The following RAD18 variants were observed in gnomAD, a reference collection of about 807,000 sequenced individuals.
The protein encoded by RAD18 is RAD18 E3 ubiquitin protein ligase, also known as E3 ubiquitin-protein ligase RAD18.
A neutral mutation model predicts 60.4 loss-of-function variants in RAD18; 47 were observed. The observed-to-expected ratio is 0.78, with a 90% CI of 0.62 to 0.99. The LOEUF is 0.99. RAD18 is among the 50% of genes least tolerant of loss of function. The probability of loss-of-function intolerance (pLI) is 0.00; values close to 1 mark genes in which losing one functional copy is unlikely to be tolerated. For missense variants in RAD18, 640 were observed against 593.3 expected (o/e 1.08, Z -0.82); for synonymous variants, 225 against 195.5 (o/e 1.15, Z -1.26).
chr3:8,910,020 G>A (rs754575205), intron 9 of RAD18, among the ~76,000 whole-genome samples: 3 of 152,212 alleles, frequency 2.0e-5, no homozygotes, highest in Non-Finnish European at 2.9e-5. Context: ...CTTGGAAGAA[G>A]TGAACCAACA....
chr3:8,904,550 C>T (rs1460068866), intron 9 of RAD18, among the ~76,000 whole-genome samples: 1 of 152,072 alleles, frequency 6.6e-6, no homozygotes, highest in African/African-American at 2.4e-5. Context: ...ATATGCTGGC[C>T]GTAAAGATCA....
chr3:8,916,303 C>A (rs1940199186), intron 7 of RAD18, among the ~76,000 whole-genome samples: 1 of 152,150 alleles, frequency 6.6e-6, no homozygotes, highest in Non-Finnish European at 1.5e-5. Flanking sequence ...AAGACTGAAG[C>A]TAAATCAGAG....
At chr3:8,902,680 G>A (rs577110277) in intron 9 of RAD18, among the ~76,000 whole-genome samples, 160 bp from the exon 10 acceptor site, 15 of 152,306 alleles carry the variant, frequency 9.8e-5, no homozygotes, top group Non-Finnish European at 1.9e-4. Flanking sequence ...TCACTTGTCA[G>A]GAGTTCGAAA....
intron 8 of RAD18, 155 bp from the exon 9 acceptor site, chr3:8,912,527 T>A: frequency 2.2e-6 from 1 of 457,384 alleles, no homozygotes. Flanking sequence ...CATTCCTATG[T>A]ACTTCCCTTA....
At chr3:8,937,815 G>A (rs73023855) in intron 6 of RAD18, among the ~76,000 whole-genome samples, 2,312 of 152,302 alleles carry the variant, frequency 0.015, 30 homozygotes, top group Non-Finnish European at 0.024. Context: ...GGATCCAGGA[G>A]GTAGTGCTTA....
chr3:8,938,721 A>C (rs546333179), intron 6 of RAD18, among the ~76,000 whole-genome samples: 1 of 151,974 alleles, frequency 6.6e-6, no homozygotes, highest in Admixed American at 6.6e-5. Context: ...GAAGGCTTAA[A>C]CTCCTATTTT....
chr3:8,900,691 C>T (rs1324772628), intron 10 of RAD18, among the ~76,000 whole-genome samples: 1 of 152,186 alleles, frequency 6.6e-6, no homozygotes, highest in African/African-American at 2.4e-5. Context: ...TGTTCACTTA[C>T]ATGAGCACTT....
intron 7 of RAD18, among the ~76,000 whole-genome samples, chr3:8,920,579 C>A (rs35206009): frequency 0.023 from 3,430 of 152,224 alleles, 58 homozygotes; most frequent in Non-Finnish European, 0.032. Flanking sequence ...AGAAACTGGC[C>A]AGGTGATCAG....
At chr3:8,953,525 CA>C (rs544113575) in intron 2 of RAD18, among the ~76,000 whole-genome samples, 131 of 152,286 alleles carry the variant, frequency 8.6e-4, no homozygotes, top group African/African-American at 3.1e-3. Context: ...GCAACTATGA[CA>C]ACCCTTCCAT....
At chr3:8,921,661 G>C (rs1193968111) in intron 7 of RAD18, among the ~76,000 whole-genome samples, 3 of 151,500 alleles carry the variant, frequency 2.0e-5, no homozygotes, top group Admixed American at 6.6e-5. Context: ...AAGACAGAAT[G>C]AACAAATAAA....
chr3:8,949,255 A>G (rs112518128), intron 2 of RAD18, among the ~76,000 whole-genome samples: 1 of 152,212 alleles, frequency 6.6e-6, no homozygotes, highest in African/African-American at 2.4e-5. Flanking sequence ...CTTACTAATT[A>G]CCTAAGCTAA....
At chr3:8,919,485 G>T (rs185642943) in intron 7 of RAD18, among the ~76,000 whole-genome samples, 4 of 152,262 alleles carry the variant, frequency 2.6e-5, no homozygotes, top group Non-Finnish European at 5.9e-5. Flanking sequence ...TAATGCTCTG[G>T]AGACAAAACA....
intron 12 of RAD18, among the ~76,000 whole-genome samples, chr3:8,887,127 C>A (rs1372318653): frequency 2.6e-5 from 4 of 152,188 alleles, no homozygotes; most frequent in Non-Finnish European, 5.9e-5. Flanking sequence ...CCCAGCTATA[C>A]CTAGGAGCTT....
chr3:8,914,184 T>C (rs1294567676), intron 7 of RAD18, among the ~76,000 whole-genome samples: 1 of 152,242 alleles, frequency 6.6e-6, no homozygotes, highest in East Asian at 1.9e-4. Flanking sequence ...TCTGTAGGTA[T>C]GTTACCAATC....
intron 11 of RAD18, among the ~76,000 whole-genome samples, 191 bp from the exon 12 acceptor site, chr3:8,890,642 G>C (rs1559756123): frequency 6.6e-6 from 1 of 152,154 alleles, no homozygotes. Flanking sequence ...CATTAGGAGA[G>C]GAGGAGCAAA....
chr3:8,949,894 C>A (rs1940901895), intron 2 of RAD18, among the ~76,000 whole-genome samples: 3 of 152,190 alleles, frequency 2.0e-5, no homozygotes, highest in African/African-American at 7.2e-5. Flanking sequence ...CCTCACACTT[C>A]TGTGAGTTTT....
intron 5 of RAD18, among the ~76,000 whole-genome samples, chr3:8,940,719 T>C (rs898993182): frequency 3.3e-5 from 5 of 152,236 alleles, no homozygotes; most frequent in Non-Finnish European, 5.9e-5. Flanking sequence ...ACTTTTGTGA[T>C]GTGAGACAGT....
At chr3:8,948,290 C>A (rs1007380216) in intron 3 of RAD18, among the ~76,000 whole-genome samples, 1 of 152,138 alleles carries the variant, frequency 6.6e-6, no homozygotes, top group African/African-American at 2.4e-5. Context: ...AGTGCTACTT[C>A]CTAAAATACA....
rs1453732167 is a variant in RAD18 at position 8,878,265 on chromosome 3, G to C, written c.*3092C>G. 1 of 152,198 alleles carries C rather than the reference G, an allele frequency of 6.6e-6. No individual in the cohort carries two copies. Among genetic ancestry groups the C allele is most frequent in the Non-Finnish European group, 1.5e-5 (1 of 68,046 alleles). The allele number at this position is 152,198 out of a possible 1,614,324, so 9.4% of individuals were successfully genotyped here. On this transcript the variant is annotated 3_prime_UTR_variant, in exon 13 of 13. Coordinates refer to ENST00000264926, the MANE Select transcript of RAD18 (RefSeq NM_020165.4). ...ATGCCCCCTTTAAGGTCTCAATGCA[G>C]GTAGGGAGTATAAAGTCAGTATCAT... is the stretch of plus-strand genomic sequence containing the variant.
Sources: gnomAD v4.1 joint callset for allele counts (sites outside exome capture counted in the v4.1 genomes callset) on GRCh38, gnomAD v4.1.1 for gene constraint, MANE v1.5 for transcripts, NCBI Gene and HGNC (gene_info 2026-07-23, HGNC 2026-07-21) for gene names.